The following CARMIL1 variants were observed in gnomAD, a reference collection of about 807,000 sequenced individuals.
The protein encoded by CARMIL1 is F-actin-uncapping protein LRRC16A.
Under a neutral mutation model 177.1 loss-of-function variants are expected in CARMIL1, and 90 were observed. The observed-to-expected ratio is 0.51, with a 90% CI of 0.43 to 0.61. The LOEUF is 0.61. CARMIL1 is among the 20% of genes least tolerant of loss of function. The pLI is 0.00. For missense variants in CARMIL1, 1,380 were observed against 1,667.0 expected (o/e 0.83, Z 3.00); for synonymous variants, 577 against 606.2 (o/e 0.95, Z 0.71).
chr6:25,568,635 C>T (rs1811780957), intron 29 of CARMIL1, among the ~76,000 whole-genome samples: 1 of 152,198 alleles, frequency 6.6e-6, no homozygotes, highest in African/African-American at 2.4e-5. Flanking sequence ...GAGCCAAGTA[C>T]TTAATGGAAA....
At chr6:25,585,292 G>T (rs533015561) in intron 31 of CARMIL1, among the ~76,000 whole-genome samples, 43 of 152,218 alleles carry the variant, frequency 2.8e-4, no homozygotes, top group Non-Finnish European at 5.9e-4. Context: ...AACAATTATC[G>T]TTGTTTTTCT....
In CARMIL1 at chr6:25,294,454, G is replaced by T. The variant is rs536569765; in HGVS notation, c.138+9545G>T. Among the ~76,000 whole-genome samples, 6 of 152,246 alleles carry T rather than the reference G, an allele frequency of 3.9e-5. No homozygotes were observed. The South Asian group carries it at 1.0e-3, about 26-fold the overall frequency. The stretch of plus-strand genomic sequence containing the variant: ...CATCTAACCATGTGTCCTAACCTAG[G>T]AGAAGTTTCTTCTGTAGCACCTCCG... On this transcript the variant is annotated intron_variant, in intron 2 of 36. Transcript: ENST00000329474.
rs142233406 is a variant in CARMIL1, at chr6:25,526,884, T to TA, written c.1969-1910dup. Among the ~76,000 whole-genome samples the TA allele has an allele frequency of 3.5e-3, 529 of 152,274 alleles. 2 individuals carry two copies. The highest frequency in any genetic ancestry group is 0.011 in the African/African-American group (457 of 41,558). The stretch of plus-strand genomic sequence containing the variant: ...TTTTTTTGTAAAATTGCTGTGTTCT[T>TA]ACATATTCAAGTTTTTATTTTAACA... On this transcript the variant is annotated intron_variant, in intron 23 of 36. Coordinates refer to ENST00000329474, the MANE Select transcript of CARMIL1 (RefSeq NM_017640.6).
chr6:25,500,063 A>G (rs1249761257), intron 16 of CARMIL1, 103 bp from the exon 17 acceptor site: 2 of 994,442 alleles, frequency 2.0e-6, no homozygotes, highest in African/African-American at 3.2e-5. Flanking sequence ...TGTGATTCAG[A>G]AAAGGCAGCC....
intron 2 of CARMIL1, among the ~76,000 whole-genome samples, chr6:25,364,820 C>T (rs1789603676): frequency 6.6e-6 from 1 of 152,178 alleles, no homozygotes; most frequent in Non-Finnish European, 1.5e-5. Flanking sequence ...CCGCCTCGGC[C>T]TCCCAAAGTG....
intron 32 of CARMIL1, among the ~76,000 whole-genome samples, chr6:25,596,594 TCTTA>T (rs1814872605): frequency 6.6e-6 from 1 of 152,172 alleles, no homozygotes; most frequent in South Asian, 2.1e-4. Flanking sequence ...ACCGCTAACT[TCTTA>T]CTTAAATGAT....
intron 10 of CARMIL1, among the ~76,000 whole-genome samples, chr6:25,472,200 GTA>G (rs1801151238): frequency 6.6e-6 from 1 of 151,744 alleles, no homozygotes; most frequent in Non-Finnish European, 1.5e-5. Context: ...AGGGGCAATT[GTA>G]TATTTTCTTT....
chr6:25,333,724 A>G lies in CARMIL1; in HGVS notation c.138+48815A>G, dbSNP rs77873730. Among the ~76,000 whole-genome samples the G allele has an allele frequency of 5.3e-5, 8 of 150,504 alleles. No individual in the cohort carries two copies. The East Asian group carries it at 1.2e-3, about 22-fold the overall frequency. On this transcript the variant is annotated intron_variant, in intron 2 of 36. Coordinates refer to ENST00000329474, the MANE Select transcript of CARMIL1 (RefSeq NM_017640.6). ...AGCTTGAAATATTGCTTGAAATGCT[A>G]TAACAGGTTGTCATTTTTTTGTAGT...
chr6:25,443,278 G>A (rs959018990), intron 5 of CARMIL1, among the ~76,000 whole-genome samples: 1 of 152,176 alleles, frequency 6.6e-6, no homozygotes, highest in African/African-American at 2.4e-5. Context: ...CCATTAAAAT[G>A]CCAGATGATG....
chr6:25,391,380 T>A (rs1264979329), intron 2 of CARMIL1, among the ~76,000 whole-genome samples: 1 of 152,182 alleles, frequency 6.6e-6, no homozygotes, highest in African/African-American at 2.4e-5. Flanking sequence ...CTGTCTATCC[T>A]AGGATATGGT....
At chr6:25,598,832 T>G (rs1394207827) in intron 32 of CARMIL1, among the ~76,000 whole-genome samples, 1 of 152,130 alleles carries the variant, frequency 6.6e-6, no homozygotes, top group Non-Finnish European at 1.5e-5. Context: ...CCTGGACCAT[T>G]TTGTTGCGGG....
chr6:25,486,778 C>G (rs957707254), intron 12 of CARMIL1, among the ~76,000 whole-genome samples: 9 of 152,124 alleles, frequency 5.9e-5, no homozygotes, highest in African/African-American at 1.9e-4. Context: ...GTCTGTGTCT[C>G]CTGCTCCACT....
At chr6:25,316,773 A>G (rs1784312021) in intron 2 of CARMIL1, among the ~76,000 whole-genome samples, 1 of 152,048 alleles carries the variant, frequency 6.6e-6, no homozygotes. Flanking sequence ...GAGAAGAACA[A>G]GAAGTTCTGT....
chr6:25,492,047 A>G, intron 15 of CARMIL1, 23 bp downstream of exon 15: 2 of 1,597,270 alleles, frequency 1.3e-6, no homozygotes, highest in East Asian at 2.2e-5. Flanking sequence ...TTCTGCTCTC[A>G]TTGTCATCTG....
Position 25,492,038 on chromosome 6 carries a change from T to C in CARMIL1, c.1220+14T>C, listed in dbSNP as rs1237671835. 6.2e-7 allele frequency: 1 copy of C among 1,607,580 alleles called. No homozygotes were observed. Among genetic ancestry groups the C allele is most frequent in the South Asian group, 1.1e-5 (1 of 90,484 alleles). On this transcript the variant is annotated intron_variant, in intron 15 of 36. Transcript: ENST00000329474. ...CTTCTCTCACCGGTATAGATTTATTTCTGCTCTCATTGTCATCTGGAAGTG... is the reference window on the plus strand; with the variant it reads ...CTTCTCTCACCGGTATAGATTTATTCCTGCTCTCATTGTCATCTGGAAGTG...
At chr6:25,391,237 T>A (rs1310996539) in intron 2 of CARMIL1, among the ~76,000 whole-genome samples, 2 of 152,262 alleles carry the variant, frequency 1.3e-5, no homozygotes, top group African/African-American at 4.8e-5. Context: ...ATAGGGTAGC[T>A]GGCTGGGTGG....
intron 2 of CARMIL1, among the ~76,000 whole-genome samples, chr6:25,334,464 C>T (rs1398661201): frequency 6.6e-6 from 1 of 152,060 alleles, no homozygotes; most frequent in Non-Finnish European, 1.5e-5. Flanking sequence ...TAACCATTAA[C>T]ATCTCAATCA....
At chr6:25,444,756 C>T (rs1292986314) in intron 5 of CARMIL1, among the ~76,000 whole-genome samples, 1 of 152,170 alleles carries the variant, frequency 6.6e-6, no homozygotes, top group Non-Finnish European at 1.5e-5. Context: ...ACTACATTTT[C>T]TTAATCCAGT....
chr6:25,607,776 A>G (rs964987093), intron 35 of CARMIL1, among the ~76,000 whole-genome samples: 1 of 152,274 alleles, frequency 6.6e-6, no homozygotes, highest in East Asian at 1.9e-4. Flanking sequence ...CAGCTTGGAC[A>G]GTCCCTGGTC....
Sources: allele counts gnomAD v4.1 joint callset (sites outside exome capture counted in the v4.1 genomes callset), GRCh38; gene constraint gnomAD v4.1.1; transcripts MANE v1.5; gene names NCBI Gene and HGNC (gene_info 2026-07-23, HGNC 2026-07-21).